The following UTRN variants were observed in gnomAD, a reference collection of about 807,000 sequenced individuals.
UTRN encodes dystrophin-related protein 1.
A neutral mutation model predicts 463.9 loss-of-function variants in UTRN; 283 were observed. That is an observed-to-expected ratio of 0.61 (90% CI 0.55 to 0.67). The LOEUF (loss-of-function observed/expected upper bound fraction) is 0.67, where lower values mean the gene tolerates loss of function less well. Ranked by LOEUF, UTRN falls within the 30% of genes least tolerant of loss-of-function variation. The pLI, the probability that UTRN is intolerant of heterozygous loss-of-function variation, is 0.00. For synonymous variants in UTRN, 1,442 were observed against 1,431.5 expected (o/e 1.01, Z -0.17); for missense variants, 3,922 against 4,084.3 (o/e 0.96, Z 1.08).
At chr6:144,715,629 A>G (rs568243828) in intron 53 of UTRN, among the ~76,000 whole-genome samples, 14 of 150,126 alleles carry the variant, frequency 9.3e-5, no homozygotes, top group Middle Eastern at 3.5e-3. Context: ...TCTTTACTCA[A>G]CTTCTCTACT....
In UTRN at chr6:144,289,242, C is replaced by T. The variant is rs577177611; in HGVS notation, c.-92-2495C>T. Reference sequence around the variant, plus strand: ...AATGACTCACACTTCACCTAATTGCCTAAGCCAAAATTGGGGAGTCATTTT... The same window carrying T: ...AATGACTCACACTTCACCTAATTGCTTAAGCCAAAATTGGGGAGTCATTTT... On this transcript the variant is annotated intron_variant, in intron 1 of 74. Coordinates refer to ENST00000367545, the MANE Select transcript of UTRN (RefSeq NM_007124.3). Among the ~76,000 whole-genome samples the T allele has an allele frequency of 6.1e-3, 931 of 152,292 alleles. 9 individuals are homozygous for T. The highest frequency in any genetic ancestry group is 9.9e-3 in the Admixed American group (152 of 15,302).
intron 63 of UTRN, chr6:144,797,618 A>G (rs1283000471): frequency 1.3e-5 from 6 of 462,174 alleles, no homozygotes; most frequent in East Asian, 3.7e-5. Context: ...GCTTCTTCCT[A>G]TGTGACAATT....
At chr6:144,391,833 G>C (rs1781959261) in intron 2 of UTRN, among the ~76,000 whole-genome samples, 1 of 152,192 alleles carries the variant, frequency 6.6e-6, no homozygotes, top group South Asian at 2.1e-4. Flanking sequence ...CAAAAATACA[G>C]GGTTTCACCT....
rs951761802 is a variant in UTRN, at chr6:144,609,799, G to A, written c.7479+32511G>A. Reference sequence around the variant, plus strand: ...GAAATCTTGGAAAATAAACAAATATGTGGAAATTAAACAATATGCTCCTAA... The same window carrying A: ...GAAATCTTGGAAAATAAACAAATATATGGAAATTAAACAATATGCTCCTAA... On this transcript the variant is annotated intron_variant, in intron 51 of 74. Transcript: ENST00000367545. Among the ~76,000 whole-genome samples, 12 of 152,016 alleles carry A rather than the reference G, an allele frequency of 7.9e-5. No homozygotes were observed. In the South Asian group the frequency reaches 2.3e-3, roughly 29 times the overall value.
chr6:144,701,944 GATA>G (rs755969851), intron 53 of UTRN, among the ~76,000 whole-genome samples: 2 of 151,908 alleles, frequency 1.3e-5, no homozygotes, highest in Admixed American at 6.6e-5. Context: ...TGATATGCAA[GATA>G]ATAATAATAA....
At chr6:144,754,366 C>T (rs569647768) in intron 56 of UTRN, among the ~76,000 whole-genome samples, 1 of 152,264 alleles carries the variant, frequency 6.6e-6, no homozygotes, top group South Asian at 2.1e-4. Context: ...TTGCCACTCA[C>T]TAGCTTTATA....
At chr6:144,678,199 A>G (rs1448730818) in intron 51 of UTRN, among the ~76,000 whole-genome samples, 1 of 152,188 alleles carries the variant, frequency 6.6e-6, no homozygotes, top group African/African-American at 2.4e-5. Flanking sequence ...CTGTATAGCC[A>G]AGACAATCCT....
chr6:144,629,506 G>T (rs1038130035), intron 51 of UTRN, among the ~76,000 whole-genome samples: 1 of 152,220 alleles, frequency 6.6e-6, no homozygotes, highest in African/African-American at 2.4e-5. Flanking sequence ...AGCTGTCTGT[G>T]CCTCCTTGAT....
intron 35 of UTRN, among the ~76,000 whole-genome samples, chr6:144,511,730 T>C (rs1795190934): frequency 6.6e-6 from 1 of 152,060 alleles, no homozygotes; most frequent in African/African-American, 2.4e-5. Context: ...AAATATTGTA[T>C]ATGTGTTAGT....
chr6:144,516,791 T>C lies in UTRN; in HGVS notation c.5404-20T>C. 4 of 1,436,820 alleles carry C rather than the reference T, an allele frequency of 2.8e-6. No homozygotes were observed. Among genetic ancestry groups the C allele is most frequent in the Non-Finnish European group, 2.7e-6 (3 of 1,096,568 alleles). 89.0% of individuals were successfully genotyped at this position (1,436,820 alleles called of 1,614,324 possible). A position where few individuals can be genotyped will look rare whatever the true frequency, so the allele number is the denominator to read the frequency against. On this transcript the variant is annotated intron_variant, in intron 38 of 74. Coordinates refer to ENST00000367545, the MANE Select transcript of UTRN (RefSeq NM_007124.3). The stretch of plus-strand genomic sequence containing the variant: ...GCATTTTTCTTTTGAGTCATTTTTT[T>C]TTTCCTTTTAAAAATTTAGATGGAT...
chr6:144,299,480 G>A (rs1300250901), intron 2 of UTRN, among the ~76,000 whole-genome samples: 2 of 152,028 alleles, frequency 1.3e-5, no homozygotes, highest in African/African-American at 4.8e-5. Context: ...GGGTTGTGTT[G>A]GGTGAAGTTA....
chr6:144,458,546 C>T (rs1013018004), intron 19 of UTRN, among the ~76,000 whole-genome samples: 6 of 152,160 alleles, frequency 3.9e-5, no homozygotes, highest in African/African-American at 1.2e-4. Flanking sequence ...GTGCCTGAAT[C>T]GTTATTTTAA....
chr6:144,583,206 T>C (rs1216901314), intron 51 of UTRN: 3 of 326,324 alleles, frequency 9.2e-6, no homozygotes, highest in Non-Finnish European at 1.7e-5. Context: ...GCTTGGCTGC[T>C]CGACAACTTC....
chr6:144,398,984 A>G (rs899896209), intron 2 of UTRN, among the ~76,000 whole-genome samples: 3 of 152,224 alleles, frequency 2.0e-5, no homozygotes, highest in Non-Finnish European at 4.4e-5. Flanking sequence ...ATATCATTTG[A>G]AATGTTAATT....
At chr6:144,826,804 T>C (rs1780227704) in intron 66 of UTRN, among the ~76,000 whole-genome samples, 1 of 152,216 alleles carries the variant, frequency 6.6e-6, no homozygotes, top group Admixed American at 6.5e-5. Flanking sequence ...TGCATGTTTG[T>C]TCAATGTGTG....
At chr6:144,807,978 A>G (rs1488813236) in intron 65 of UTRN, among the ~76,000 whole-genome samples, 1 of 152,244 alleles carries the variant, frequency 6.6e-6, no homozygotes, top group East Asian at 1.9e-4. Flanking sequence ...TGAAGAAAAA[A>G]CTAAGTCTTA....
At chr6:144,452,945 GAAAA>G (rs1175934612) in intron 18 of UTRN, among the ~76,000 whole-genome samples, 2 of 69,796 alleles carry the variant, frequency 2.9e-5, no homozygotes, top group African/African-American at 9.9e-5. Context: ...CTGCCTCAAA[GAAAA>G]AAAAAAAAAA....
At chr6:144,625,987 A>G (rs1439953609) in intron 51 of UTRN, among the ~76,000 whole-genome samples, 2 of 152,216 alleles carry the variant, frequency 1.3e-5, no homozygotes, top group African/African-American at 2.4e-5. Flanking sequence ...GGACCGATCA[A>G]ACAGTTTTCT....
At chr6:144,812,697 A>G (rs1778728810) in intron 65 of UTRN, among the ~76,000 whole-genome samples, 1 of 152,234 alleles carries the variant, frequency 6.6e-6, no homozygotes, top group South Asian at 2.1e-4. Context: ...TTGGTAAAAT[A>G]CAATCTCAAA....
Sources: allele counts gnomAD v4.1 joint callset (sites outside exome capture counted in the v4.1 genomes callset), GRCh38; gene constraint gnomAD v4.1.1; transcripts MANE v1.5; gene names NCBI Gene and HGNC (gene_info 2026-07-23, HGNC 2026-07-21).